Variants in KL observed in about 807,000 individuals in gnomAD.
KL encodes alpha-klotho.
Under a neutral mutation model 84.2 loss-of-function variants are expected in KL, and 62 were observed. The observed-to-expected ratio is 0.74, with a 90% CI of 0.60 to 0.91. The LOEUF is 0.91. KL is among the 40% of genes least tolerant of loss of function. The pLI is 0.00. For synonymous variants in KL, 528 were observed against 528.0 expected (o/e 1.00, Z 0.00); for missense variants, 1,261 against 1,305.7 (o/e 0.97, Z 0.53).
chr13:33,059,880 A>G (rs775390193), intron 3 of KL, among the ~76,000 whole-genome samples: 3 of 152,242 alleles, frequency 2.0e-5, no homozygotes, highest in African/African-American at 7.2e-5. Flanking sequence ...TCCTCTACCT[A>G]TAGCAAACCT....
At position 33,017,187 on chromosome 13, in the gene KL, C is replaced by T. The variant is rs563017227; in HGVS notation, c.747C>T (p.Ala249=). The change falls in exon 1 of 5, where the codon GCC becomes GCT. Residue 249 remains alanine, a synonymous_variant. Transcript: ENST00000380099. ...ACGTGGTGGCCTGGCACGGCTACGC[C>T]ACCGGGCGCCTGGCCCCCGGCATCC... ...NPYVVAWHGY[A]TGRLAPGIRG... 312 of 1,598,522 alleles carry T rather than the reference C, an allele frequency of 2.0e-4. 3 individuals carry two copies. The East Asian group carries it at 6.7e-3, about 34-fold the overall frequency.
rs768758363 is a variant in KL at position 33,063,839 on chromosome 13, GT to G, written c.2702-5del. On this transcript the variant is annotated splice_polypyrimidine_tract_variant and intron_variant, in intron 4 of 4. Transcript: ENST00000380099. ...GTAATAACTACTCTCCTATCCTTTTGTTTTTCCAGCCCACATACTGGATGGT... is the reference window on the plus strand; with the variant it reads ...GTAATAACTACTCTCCTATCCTTTTGTTTTCCAGCCCACATACTGGATGGT... 6.2e-7 allele frequency: 1 copy of G among 1,610,162 alleles called. No homozygotes were observed. Among genetic ancestry groups the G allele is most frequent in the African/African-American group, 1.3e-5 (1 of 74,772 alleles).
In KL at chr13:33,017,383, T is replaced by C. The variant is rs536398091; in HGVS notation, c.819+124T>C. The C allele has an allele frequency of 1.3e-4, 123 of 919,310 alleles. No homozygotes were observed. In the African/African-American group the frequency reaches 1.9e-3, roughly 14 times the overall value. The allele number at this position is 919,310 out of a possible 1,614,324, so 56.9% of individuals were successfully genotyped here. ...GCTTCACTTGGACACGTGTATGTGG[T>C]CACCGGGGGAAACTGAGCAGTTCTG... is the stretch of plus-strand genomic sequence containing the variant. On this transcript the variant is annotated intron_variant, in intron 1 of 4. Transcript: ENST00000380099.
At chr13:33,038,985 C>T (rs1871240870) in intron 1 of KL, among the ~76,000 whole-genome samples, 1 of 152,142 alleles carries the variant, frequency 6.6e-6, no homozygotes, top group Non-Finnish European at 1.5e-5. Context: ...AGCAGAAGAA[C>T]ATAATAAATG....
At position 33,065,850 on chromosome 13, in the gene KL, T is replaced by C. The variant is rs116627995; in HGVS notation, c.*1664T>C. On this transcript the variant is annotated 3_prime_UTR_variant, in exon 5 of 5. Transcript: ENST00000380099. ...TATTTTACATAGATCATATTGTATA[T>C]AGTTAGTATCTTTATTAATTTTTAT... The C allele has an allele frequency of 0.011, 1,845 of 174,276 alleles. 40 individuals are homozygous for C. The highest frequency in any genetic ancestry group is 0.04 in the African/African-American group (1,692 of 42,316). 10.8% of individuals were successfully genotyped at this position (174,276 alleles called of 1,614,324 possible). A position where few individuals can be genotyped will look rare whatever the true frequency, so the allele number is the denominator to read the frequency against.
At chr13:33,020,405 T>G (rs537590949) in intron 1 of KL, among the ~76,000 whole-genome samples, 8 of 152,232 alleles carry the variant, frequency 5.3e-5, no homozygotes, top group Middle Eastern at 3.4e-3. Context: ...TCTGTCTAGA[T>G]TCACTCCAGG....
At chr13:33,046,357 T>C (rs1871528876) in intron 1 of KL, among the ~76,000 whole-genome samples, 1 of 152,214 alleles carries the variant, frequency 6.6e-6, no homozygotes, top group Non-Finnish European at 1.5e-5. Context: ...TTAGCCACTT[T>C]TGGTAATGTG....
At chr13:33,018,696 C>CT (rs1194568694) in intron 1 of KL, among the ~76,000 whole-genome samples, 1 of 152,150 alleles carries the variant, frequency 6.6e-6, no homozygotes, top group African/African-American at 2.4e-5. Context: ...AATGGTCTCA[C>CT]TTTTTGAAGA....
chr13:33,059,470 C>G (rs1218207730), intron 3 of KL, among the ~76,000 whole-genome samples: 15 of 151,814 alleles, frequency 9.9e-5, no homozygotes, highest in Admixed American at 9.8e-4. Flanking sequence ...ACTTTCTTTT[C>G]TTTTTTTCTA....
At position 33,065,716 on chromosome 13, in the gene KL, T is replaced by C. The variant is rs1872388355; in HGVS notation, c.*1530T>C. On this transcript the variant is annotated 3_prime_UTR_variant, in exon 5 of 5. Transcript: ENST00000380099. ...TTTCTGATTATAAGAGTAATATATG[T>C]TCATTGTAAAAATTTTTAAAACACA... The C allele has an allele frequency of 1.1e-5, 2 of 176,206 alleles. No homozygotes were observed. Among genetic ancestry groups the C allele is most frequent in the South Asian group, 4.0e-4 (2 of 5,036 alleles). The allele number at this position is 176,206 out of a possible 1,614,324, so 10.9% of individuals were successfully genotyped here.
At chr13:33,036,748 A>G (rs540230637) in intron 1 of KL, among the ~76,000 whole-genome samples, 3 of 152,334 alleles carry the variant, frequency 2.0e-5, no homozygotes, top group South Asian at 2.1e-4. Context: ...AGAACCCAGT[A>G]TGATAGTTCA....
At chr13:33,017,333 G>A (rs1429057484) in intron 1 of KL, 74 bp downstream of exon 1, 1 of 1,343,012 alleles carries the variant, frequency 7.4e-7, no homozygotes, top group East Asian at 2.5e-5. Flanking sequence ...GGGGAAGTGT[G>A]GGAACTGAGT....
chr13:33,053,835 T>C lies in KL; in HGVS notation c.888T>C (p.Ile296=), dbSNP rs1326694574. Residue 296 remains isoleucine (I), a synonymous_variant, in exon 2 of 5, where the codon ATT becomes ATC. Transcript: ENST00000380099. ...FRPTQGGQVS[I]ALSSHWINPR... is the part of the protein sequence containing the mutation. ...CCACTCAGGGAGGTCAGGTGTCCAT[T>C]GCCCTAAGCTCTCACTGGATCAATC... The C allele has an allele frequency of 6.2e-7, 1 of 1,614,032 alleles. No homozygotes were observed. Among genetic ancestry groups the C allele is most frequent in the African/African-American group, 1.3e-5 (1 of 74,926 alleles).
Position 33,037,930 on chromosome 13 carries a change from T to G in KL, c.820-15837T>G, listed in dbSNP as rs577320049. ...GAGCATGTGAGCAATGTGTAACTAA[T>G]GCACCATGCTCTTTTTATTCTGCAC... is the stretch of plus-strand genomic sequence containing the variant. On this transcript the variant is annotated intron_variant, in intron 1 of 4. Coordinates refer to ENST00000380099, the MANE Select transcript of KL (RefSeq NM_004795.4). Among the ~76,000 whole-genome samples, 360 of 152,340 alleles carry G rather than the reference T, an allele frequency of 2.4e-3. 1 individual carries two copies. The highest frequency in any genetic ancestry group is 3.6e-3 in the Non-Finnish European group (247 of 68,024).
intron 1 of KL, among the ~76,000 whole-genome samples, chr13:33,039,560 G>A (rs1228508696): frequency 1.3e-5 from 2 of 152,110 alleles, no homozygotes; most frequent in East Asian, 1.9e-4. Flanking sequence ...CTAAATGCAC[G>A]TGGGGAGCCA....
chr13:33,060,998 C>G lies in KL; in HGVS notation c.1919C>G (p.Pro640Arg). The G allele has an allele frequency of 6.2e-7, 1 of 1,612,998 alleles. No individual in the cohort carries two copies. Among genetic ancestry groups the G allele is most frequent in the Non-Finnish European group, 8.5e-7 (1 of 1,179,196 alleles). ...NITPVVALWQ[P>R]MAPNQGLPRL... ...ACCCCAGTGGTGGCCCTGTGGCAGC[C>G]TATGGCCCCGAACCAAGGACTGCCG... is the stretch of plus-strand genomic sequence containing the variant. Residue 640 changes from proline to arginine, a missense_variant, in exon 4 of 5, where the codon CCT becomes CGT. Physicochemically the swap from Pro to Arg is moderately radical, Grantham distance 103. Coordinates refer to ENST00000380099, the MANE Select transcript of KL (RefSeq NM_004795.4).
rs749183356 is a variant in KL at position 33,053,952 on chromosome 13, T to C, written c.1005T>C (p.Gly335=). The C allele has an allele frequency of 2.3e-5, 37 of 1,614,040 alleles. No individual in the cohort carries two copies. Among genetic ancestry groups the C allele is most frequent in the Non-Finnish European group, 3.1e-5 (36 of 1,179,996 alleles). The stretch of plus-strand genomic sequence containing the variant: ...TTGCCAAACCCGTATTTATTGATGG[T>C]GACTATCCCGAGAGCATGAAGAATA... ...GWFAKPVFID[G]DYPESMKNNL... is the part of the protein sequence containing the mutation. Residue 335 remains glycine, a synonymous_variant, in exon 2 of 5, where the codon GGT becomes GGC. Coordinates refer to ENST00000380099, the MANE Select transcript of KL (RefSeq NM_004795.4).
In KL at chr13:33,061,501, C is replaced by A; in HGVS notation, c.2422C>A (p.His808Asn). Residue 808 changes from histidine (H) to asparagine (N), a missense_variant, in exon 4 of 5, where the codon CAT (histidine) becomes AAT (asparagine). Physicochemically the swap from His to Asn is moderately conservative, Grantham distance 68. Coordinates refer to ENST00000380099, the MANE Select transcript of KL (RefSeq NM_004795.4). ...TACCTTTGACTTTTTGGCTTTAAGC[C>A]ATTATACCACCATCCTTGTAGACTC... ...QGTFDFLALS[H>N]YTTILVDSEK... 1 of 1,614,102 alleles carries A rather than the reference C, an allele frequency of 6.2e-7. No homozygotes were observed. The highest frequency in any genetic ancestry group is 8.5e-7 in the Non-Finnish European group (1 of 1,180,010).
chr13:33,060,293 C>T (rs528917293), intron 3 of KL, among the ~76,000 whole-genome samples: 25 of 151,896 alleles, frequency 1.6e-4, no homozygotes, highest in Non-Finnish European at 2.9e-4. Flanking sequence ...AGTTTTTTTT[C>T]TTTTTAAATT....
Sources: allele counts gnomAD v4.1 joint callset (sites outside exome capture counted in the v4.1 genomes callset), GRCh38; gene constraint gnomAD v4.1.1; transcripts MANE v1.5; gene names NCBI Gene and HGNC (gene_info 2026-07-23, HGNC 2026-07-21).